Variants in COL6A1 observed in about 807,000 individuals in gnomAD.
The protein encoded by COL6A1 is collagen type VI alpha 1 chain, also known as collagen alpha-1(VI) chain.
In COL6A1, 80 loss-of-function variants were observed where a neutral mutation model predicts 145.6. The ratio of observed to expected loss-of-function variants is 0.55; its 90% confidence interval spans 0.46 to 0.66. The LOEUF (loss-of-function observed/expected upper bound fraction) is 0.66, where lower values mean the gene tolerates loss of function less well. Among genes scored for constraint, COL6A1 ranks in the 30% least tolerant of loss-of-function variants. COL6A1 has a pLI of 0.00. For missense variants in COL6A1, 1,364 were observed against 1,473.8 expected (o/e 0.93, Z 1.22); for synonymous variants, 638 against 622.8 (o/e 1.02, Z -0.36).
rs147622862 is a variant in COL6A1, at chr21:45,992,211, C to G, written c.1230C>G (p.Gly410=). Residue 410 remains glycine, a synonymous_variant, in exon 17 of 35, where the codon GGC becomes GGG. Coordinates refer to ENST00000361866, the MANE Select transcript of COL6A1 (RefSeq NM_001848.3). ...CCCCCGGAGAGAAAGGAGAGGCGGG[C>G]GACGAGGTGAGTGAGGGCTCCTGAC... is the stretch of plus-strand genomic sequence containing the variant. The part of the protein sequence containing the change: ...PGPPGEKGEA[G]DEGNPGPDGA... 6.2e-7 allele frequency: 1 copy of G among 1,613,458 alleles called. No homozygotes were observed. Among genetic ancestry groups the G allele is most frequent in the Non-Finnish European group, 8.5e-7 (1 of 1,179,966 alleles).
Position 45,997,490 on chromosome 21 carries a change from C to A in COL6A1, c.1461+7C>A. On this transcript the variant is annotated splice_region_variant and intron_variant, in intron 21 of 34. Transcript: ENST00000361866. ...GGGTCCCCCAGGGTCCGAGGTGAGT[C>A]CCACTCCCCACCCACACCCGCCCAC... 6.3e-7 allele frequency: 1 copy of A among 1,597,428 alleles called. No homozygotes were observed. Among genetic ancestry groups the A allele is most frequent in the Non-Finnish European group, 8.5e-7 (1 of 1,175,016 alleles).
Position 46,000,777 on chromosome 21 carries a change from A to G in COL6A1, c.1822+10A>G, listed in dbSNP as rs750085278. ...TCCTCAGCTTGCTGTGGTGAGACCC[A>G]GGCTCTAGCTCCTGAGAGAATGGAT... is the stretch of plus-strand genomic sequence containing the variant. On this transcript the variant is annotated intron_variant, in intron 29 of 34. Transcript: ENST00000361866. 39 of 1,613,876 alleles carry G rather than the reference A, an allele frequency of 2.4e-5. No individual in the cohort carries two copies. Among genetic ancestry groups the G allele is most frequent in the Non-Finnish European group, 3.1e-5 (37 of 1,179,888 alleles).
rs748252691 is a variant in COL6A1, at chr21:46,003,524, C to A, written c.2598C>A (p.Asp866Glu). 1.2e-6 allele frequency: 2 copies of A among 1,611,716 alleles called. No individual in the cohort carries two copies. The highest frequency in any genetic ancestry group is 2.2e-5 in the South Asian group (2 of 90,994). The change falls in exon 35 of 35, where the codon GAC becomes GAA. Residue 866 changes from aspartate to glutamate, a missense_variant. Asp to Glu is a conservative substitution (Grantham distance 45). Transcript: ENST00000361866. ...GCTTCCTCACAGCGGGCAGGACGGA[C>A]CCCGCCCACGACGTGCGGGTGGCGG... The part of the protein sequence containing the change: ...AERFLTAGRT[D>E]PAHDVRVAVV...
rs140453198 is a variant in COL6A1, at chr21:45,985,985, C to T, written c.429-541C>T. Among the ~76,000 whole-genome samples, 77 of 152,312 alleles carry T rather than the reference C, an allele frequency of 5.1e-4. No individual in the cohort carries two copies. The East Asian group carries it at 0.014, about 28-fold the overall frequency. ...CCCTAAATGAGCTCGCCCTTCTGGC[C>T]GAGATGCTCAGCGTCCCCAGCAGGC... On this transcript the variant is annotated intron_variant, in intron 3 of 34. Transcript: ENST00000361866.
chr21:45,997,417 A>G lies in COL6A1; in HGVS notation c.1399-4A>G. On this transcript the variant is annotated splice_region_variant and splice_polypyrimidine_tract_variant and intron_variant, in intron 20 of 34. Coordinates refer to ENST00000361866, the MANE Select transcript of COL6A1 (RefSeq NM_001848.3). Reference sequence around the variant, plus strand: ...TCCAACGTGCCATATCCATCTCTCTACAGGGCGAGGCTGGCCCTATCGGAC... The same window carrying G: ...TCCAACGTGCCATATCCATCTCTCTGCAGGGCGAGGCTGGCCCTATCGGAC... 1 of 1,612,734 alleles carries G rather than the reference A, an allele frequency of 6.2e-7. No individual in the cohort carries two copies. Among genetic ancestry groups the G allele is most frequent in the Non-Finnish European group, 8.5e-7 (1 of 1,179,796 alleles).
intron 3 of COL6A1, among the ~76,000 whole-genome samples, chr21:45,985,513 CAG>C (rs2077734432): frequency 6.6e-6 from 1 of 152,208 alleles, no homozygotes; most frequent in African/African-American, 2.4e-5. Flanking sequence ...ATCACTGAAA[CAG>C]ACTCATCAGA....
rs1458430503 is a variant in COL6A1 at position 45,986,959 on chromosome 21, A to G, written c.604A>G (p.Ile202Val). 10 of 1,551,962 alleles carry G rather than the reference A, an allele frequency of 6.4e-6. No homozygotes were observed. Among genetic ancestry groups the G allele is most frequent in the African/African-American group, 1.4e-5 (1 of 73,438 alleles). Residue 202 changes from isoleucine (I) to valine (V), a missense_variant, in exon 5 of 35, where the codon ATC (isoleucine) becomes GTC (valine). By Grantham distance (29) the Ile-to-Val change is conservative. Transcript: ENST00000361866. ...TPDHLEPRLS[I>V]IATDHTYRRN... is the part of the protein sequence containing the mutation. ...CTGCCCCCAGGAGCCGCGTCTGAGC[A>G]TCATCGCCACGGACCACACGTACCG...
intron 11 of COL6A1, 42 bp from the exon 12 acceptor site, chr21:45,990,216 C>T (rs1424425510): frequency 1.2e-6 from 2 of 1,612,008 alleles, no homozygotes; most frequent in African/African-American, 1.3e-5. Context: ...CCTGCCCTCC[C>T]CACCCCAAAT....
intron 8 of COL6A1, 135 bp downstream of exon 8, chr21:45,987,789 C>CG (rs66929103): frequency 3.0e-6 from 1 of 331,014 alleles, no homozygotes; most frequent in Non-Finnish European, 4.6e-6. Flanking sequence ...GAGGGGACGG[C>CG]GGGGGTCCAG....
chr21:45,992,963 C>T (rs2077785376), intron 19 of COL6A1, among the ~76,000 whole-genome samples, 153 bp downstream of exon 19: 2 of 152,362 alleles, frequency 1.3e-5, no homozygotes, highest in South Asian at 4.1e-4. Context: ...GGGAGGGCAG[C>T]CCCTGAAGCC....
At chr21:45,988,738 G>A (rs2077757392) in intron 8 of COL6A1, among the ~76,000 whole-genome samples, 2 of 152,106 alleles carry the variant, frequency 1.3e-5, no homozygotes, top group Admixed American at 1.3e-4. Context: ...TCAGATTTCT[G>A]GCTTCTCCTA....
chr21:45,997,369 C>T, intron 20 of COL6A1, 52 bp from the exon 21 acceptor site: 1 of 1,561,776 alleles, frequency 6.4e-7, no homozygotes. Context: ...TCAGGGAGGG[C>T]TCAGGCTGGG....
intron 28 of COL6A1, 124 bp downstream of exon 28, chr21:46,000,491 C>A: frequency 7.8e-7 from 1 of 1,279,582 alleles, no homozygotes; most frequent in Non-Finnish European, 1.1e-6. Context: ...CTTGAGGAGG[C>A]TCCTCAGCCA....
intron 5 of COL6A1, 23 bp downstream of exon 5, chr21:45,987,095 G>A (rs765717045): frequency 3.8e-5 from 59 of 1,566,124 alleles, no homozygotes; most frequent in Non-Finnish European, 4.9e-5. Context: ...CCCAGGAGAC[G>A]GGGAGGCCCG....
At chr21:45,999,923 A>C (rs1236141147) in intron 27 of COL6A1, among the ~76,000 whole-genome samples, 8 of 39,748 alleles carry the variant, frequency 2.0e-4, no homozygotes, top group Non-Finnish European at 2.6e-4. Context: ...CATGGGGGAC[A>C]TGTGAGGATC....
At chr21:45,999,296 G>T in intron 26 of COL6A1, 78 bp downstream of exon 26, 1 of 1,378,280 alleles carries the variant, frequency 7.3e-7, no homozygotes, top group South Asian at 1.2e-5. Context: ...AATGCTGGAA[G>T]AGGCTGGGAG....
Position 45,992,146 on chromosome 21 carries a change from A to C in COL6A1, c.1183-18A>C, listed in dbSNP as rs758706519. ...GGTCAAGGAGATGGAGCGACCATTC[A>C]ACCCTTGTTCCCCACAGGGCCAGCC... On this transcript the variant is annotated intron_variant, in intron 16 of 34. Transcript: ENST00000361866. 14 of 1,613,596 alleles carry C rather than the reference A, an allele frequency of 8.7e-6. No homozygotes were observed. The highest frequency in any genetic ancestry group is 1.2e-5 in the Non-Finnish European group (14 of 1,179,952).
intron 3 of COL6A1, 149 bp downstream of exon 3, chr21:45,984,618 C>T: frequency 1.4e-6 from 1 of 715,318 alleles, no homozygotes; most frequent in Non-Finnish European, 2.4e-6. Flanking sequence ...ACTTTGTGGG[C>T]AGGAAAGAGA....
rs741956 is a variant in COL6A1, at chr21:45,986,507, G to T, written c.429-19G>T. The stretch of plus-strand genomic sequence containing the variant: ...CCCCCACCTAGTCTCGAGGTCTCAC[G>T]CTGCCCTCTCCTGTCCAGGGGCTCC... On this transcript the variant is annotated intron_variant, in intron 3 of 34. Transcript: ENST00000361866. The T allele has an allele frequency of 1.1e-5, 17 of 1,552,570 alleles. No individual in the cohort carries two copies. The African/African-American group carries it at 2.2e-4, about 20-fold the overall frequency.
Sources: allele counts gnomAD v4.1 joint callset (sites outside exome capture counted in the v4.1 genomes callset), GRCh38; gene constraint gnomAD v4.1.1; transcripts MANE v1.5; gene names NCBI Gene and HGNC (gene_info 2026-07-23, HGNC 2026-07-21).